Variants in GCFC2 observed in about 807,000 individuals in gnomAD.
GCFC2 encodes the protein GC-rich sequence DNA-binding factor 2.
GCFC2 carries 102 observed loss-of-function variants against 99.4 expected under a neutral mutation model. The observed-to-expected ratio is 1.03, with a 90% confidence interval of 0.87 to 1.21. The LOEUF is 1.21. GCFC2 is among the 50% of genes most tolerant of loss of function. GCFC2 has a pLI of 0.00. For missense variants in GCFC2, 973 were observed against 920.9 expected (o/e 1.06, Z -0.73); for synonymous variants, 338 against 316.8 (o/e 1.07, Z -0.71).
In GCFC2 at chr2:75,680,250, G is replaced by A. The variant is rs749550166; in HGVS notation, c.1755C>T (p.Cys585=). The part of the protein sequence containing the change: ...TSQTTSLITH[C]RVILEEHSTC... ...TGGAATGTTCTTCAAGAATCACTCT[G>A]CAATGTGTTATTAAACTTGTTGTCT... The change falls in exon 12 of 17, where the codon TGC becomes TGT. Residue 585 remains cysteine, a synonymous_variant. Transcript: ENST00000321027. The A allele has an allele frequency of 1.9e-6, 3 of 1,601,742 alleles. No homozygotes were observed. Among genetic ancestry groups the A allele is most frequent in the African/African-American group, 1.3e-5 (1 of 74,720 alleles).
intron 4 of GCFC2, among the ~76,000 whole-genome samples, chr2:75,699,732 T>A (rs1050356745): frequency 2.0e-5 from 3 of 151,956 alleles, no homozygotes; most frequent in Non-Finnish European, 2.9e-5. Flanking sequence ...TGCGCCACCA[T>A]GCCTGGCTAG....
At chr2:75,705,536 G>A (rs1399510013) in intron 2 of GCFC2, among the ~76,000 whole-genome samples, 1 of 110,392 alleles carries the variant, frequency 9.1e-6, no homozygotes, top group Non-Finnish European at 2.0e-5. Flanking sequence ...AGAATGACGT[G>A]AACCTGGGAG....
At chr2:75,707,650 A>C (rs1680933084) in intron 1 of GCFC2, among the ~76,000 whole-genome samples, 1 of 152,216 alleles carries the variant, frequency 6.6e-6, no homozygotes, top group Admixed American at 6.5e-5. Context: ...TTAACACCAA[A>C]GCAGTGGGTC....
intron 4 of GCFC2, among the ~76,000 whole-genome samples, chr2:75,700,019 G>GC (rs893160300): frequency 3.3e-5 from 5 of 151,590 alleles, no homozygotes; most frequent in African/African-American, 1.2e-4. Context: ...TCCCACTTCA[G>GC]CCCCCCAAGC....
intron 12 of GCFC2, among the ~76,000 whole-genome samples, chr2:75,676,879 A>G (rs1198128237): frequency 6.6e-6 from 1 of 152,218 alleles, no homozygotes; most frequent in African/African-American, 2.4e-5. Context: ...CAAGTCTTAC[A>G]GAATTCCTAG....
chr2:75,706,617 C>G lies in GCFC2; in HGVS notation c.300G>C (p.Glu100Asp). 1 of 1,594,996 alleles carries G rather than the reference C, an allele frequency of 6.3e-7. No individual in the cohort carries two copies. The highest frequency in any genetic ancestry group is 1.1e-5 in the South Asian group (1 of 90,614). ...TTTCTGAGGAGTGATGTATTTTATCCTCTTCATCTGTGGACACATCAAGGG... is the reference window on the plus strand; with the variant it reads ...TTTCTGAGGAGTGATGTATTTTATCGTCTTCATCTGTGGACACATCAAGGG... ...SRTLDVSTDE[E>D]DKIHHSSESK... The change falls in exon 2 of 17, where the codon GAG becomes GAC. Residue 100 changes from glutamate to aspartate, a missense_variant. Coordinates refer to ENST00000321027, the MANE Select transcript of GCFC2 (RefSeq NM_003203.5).
chr2:75,694,584 C>T, intron 5 of GCFC2, 157 bp from the exon 6 acceptor site: 1 of 376,522 alleles, frequency 2.7e-6, no homozygotes, highest in Non-Finnish European at 4.7e-6. Context: ...AAAGGAAACC[C>T]TTTAGCACTT....
chr2:75,691,752 T>C (rs1229440706), intron 7 of GCFC2, among the ~76,000 whole-genome samples: 1 of 152,218 alleles, frequency 6.6e-6, no homozygotes, highest in Non-Finnish European at 1.5e-5. Flanking sequence ...ATATTCTGTC[T>C]GAAATAGTAA....
chr2:75,669,577 A>G (rs770838676), intron 15 of GCFC2, among the ~76,000 whole-genome samples: 11 of 152,120 alleles, frequency 7.2e-5, no homozygotes, highest in Non-Finnish European at 1.6e-4. Context: ...GTGTATAGTG[A>G]GAGGTGAGGA....
At position 75,690,071 on chromosome 2, in the gene GCFC2, TTCTTTTTGTCC is replaced by T; in HGVS notation, c.1227-1_1236del. 3 of 1,599,040 alleles carry T rather than the reference TTCTTTTTGTCC, an allele frequency of 1.9e-6. 1 individual carries two copies. The highest frequency in any genetic ancestry group is 2.6e-6 in the Non-Finnish European group (3 of 1,168,940). On this transcript the variant is annotated splice_acceptor_variant and coding_sequence_variant, in exon 9 of 17. Coordinates refer to ENST00000321027, the MANE Select transcript of GCFC2 (RefSeq NM_003203.5). LOFTEE classifies it high-confidence loss of function. The stretch of plus-strand genomic sequence containing the variant: ...TTCCCAGAAAGCACCCTTGCTTGTC[TTCTTTTTGTCC>T]TATATTTTGCAACAAACCAAAAATA...
chr2:75,690,536 A>G (rs553424966), intron 8 of GCFC2, 102 bp downstream of exon 8: 4 of 711,136 alleles, frequency 5.6e-6, no homozygotes, highest in African/African-American at 5.5e-5. Flanking sequence ...TTAATAATGT[A>G]TATCAGGTAT....
intron 1 of GCFC2, among the ~76,000 whole-genome samples, chr2:75,709,345 T>G (rs6718825): frequency 0.032 from 4,804 of 152,108 alleles, 109 homozygotes; most frequent in Middle Eastern, 0.068. Flanking sequence ...AGAAAACAAA[T>G]ATAAAAGGTC....
At chr2:75,708,753 C>T (rs1483946279) in intron 1 of GCFC2, among the ~76,000 whole-genome samples, 1 of 151,974 alleles carries the variant, frequency 6.6e-6, no homozygotes, top group Non-Finnish European at 1.5e-5. Context: ...TCTTGATACA[C>T]CTGCCTCGGC....
At chr2:75,674,282 T>G (rs1435010152) in intron 12 of GCFC2, among the ~76,000 whole-genome samples, 2 of 152,208 alleles carry the variant, frequency 1.3e-5, no homozygotes, top group Admixed American at 1.3e-4. Flanking sequence ...AAAATCCACT[T>G]AGGGAAATCC....
intron 3 of GCFC2, chr2:75,701,910 C>T (rs1325078251): frequency 1.1e-5 from 12 of 1,134,750 alleles, no homozygotes; most frequent in Middle Eastern, 3.8e-4. Flanking sequence ...TAAAAACGAT[C>T]GTTTTCAATG....
intron 10 of GCFC2, 65 bp from the exon 11 acceptor site, chr2:75,688,042 AT>A: frequency 9.9e-7 from 1 of 1,011,788 alleles, no homozygotes; most frequent in Non-Finnish European, 1.4e-6. Context: ...TTAAATAGTT[AT>A]TATTTTTTTC....
At chr2:75,706,152 T>C (rs1011876744) in intron 2 of GCFC2, among the ~76,000 whole-genome samples, 5 of 152,212 alleles carry the variant, frequency 3.3e-5, no homozygotes, top group African/African-American at 1.2e-4. Context: ...CAGAGCTATT[T>C]TTAGCTTCCT....
intron 14 of GCFC2, 83 bp downstream of exon 14, chr2:75,671,867 T>C (rs1309038685): frequency 1.2e-5 from 8 of 675,146 alleles, no homozygotes; most frequent in Non-Finnish European, 1.9e-5. Context: ...CTAATTCTTA[T>C]AGAAGAAGTT....
In GCFC2 at chr2:75,694,239, A is replaced by G; in HGVS notation, c.1020+2T>C. The G allele has an allele frequency of 1.2e-6, 1 of 800,124 alleles. No individual in the cohort carries two copies. The highest frequency in any genetic ancestry group is 2.0e-6 in the Non-Finnish European group (1 of 490,760). 49.6% of individuals were successfully genotyped at this position (800,124 alleles called of 1,614,324 possible). A position where few individuals can be genotyped will look rare whatever the true frequency, so the allele number is the denominator to read the frequency against. ...ATGATATAAATAAATATTGATATGT[A>G]CCTTTTCATTAAGGCAGTCAATTAA... On this transcript the variant is annotated splice_donor_variant, in intron 6 of 16. Transcript: ENST00000321027. LOFTEE classifies it high-confidence loss of function.
Sources: allele counts gnomAD v4.1 joint callset (sites outside exome capture counted in the v4.1 genomes callset), GRCh38; gene constraint gnomAD v4.1.1; transcripts MANE v1.5; gene names NCBI Gene and HGNC (gene_info 2026-07-23, HGNC 2026-07-21).